The following VPS13B variants were observed in gnomAD, a reference collection of about 807,000 sequenced individuals.
VPS13B encodes the protein vacuolar protein sorting 13 homolog B.
In VPS13B, 285 loss-of-function variants were observed where a neutral mutation model predicts 426.4. That is an observed-to-expected ratio of 0.67 (90% confidence interval 0.61 to 0.74). The LOEUF is 0.74. VPS13B is among the 30% of genes least tolerant of loss of function. VPS13B has a pLI of 0.00. For synonymous variants in VPS13B, 1,676 were observed against 1,676.4 expected, an observed-to-expected ratio of 1.00 and a Z score of 0.01; for missense variants, 4,537 against 4,782.6, an observed-to-expected ratio of 0.95 and a Z score of 1.51.
intron 3 of VPS13B, among the ~76,000 whole-genome samples, chr8:99,073,700 T>C (rs1269010366): frequency 2.4e-4 from 2 of 8,434 alleles, no homozygotes; most frequent in East Asian, 2.6e-3. Context: ...TTTTCTTTCC[T>C]TTTTTTTTTT....
At chr8:99,362,616 T>C (rs1377137318) in intron 19 of VPS13B, among the ~76,000 whole-genome samples, 1 of 152,146 alleles carries the variant, frequency 6.6e-6, no homozygotes, top group East Asian at 1.9e-4. Flanking sequence ...AGAGGAACAT[T>C]TAAAATAAAG....
Position 99,839,700 on chromosome 8 carries a change from T to C in VPS13B, c.9942+3962T>C, listed in dbSNP as rs186195193. 4.1e-3 allele frequency among the ~76,000 whole-genome samples: 621 copies of C among 152,334 alleles called. 4 individuals carry two copies. The highest frequency in any genetic ancestry group is 5.2e-3 in the Non-Finnish European group (351 of 68,022). ...GCCTTGGCTACAAATAGTAGCTGCC[T>C]GAAAGTTCATCAAAGCACAGGTTAG... On this transcript the variant is annotated intron_variant, in intron 54 of 61. Coordinates refer to ENST00000357162, the MANE Select transcript of VPS13B (RefSeq NM_152564.5).
At chr8:99,406,206 T>C (rs1423997401) in intron 21 of VPS13B, among the ~76,000 whole-genome samples, 8 of 152,026 alleles carry the variant, frequency 5.3e-5, no homozygotes, top group African/African-American at 9.7e-5. Context: ...AGAACACTTA[T>C]CATGTATCCT....
intron 25 of VPS13B, among the ~76,000 whole-genome samples, chr8:99,497,016 G>T (rs1820922533): frequency 6.7e-6 from 1 of 148,416 alleles, no homozygotes; most frequent in South Asian, 2.1e-4. Flanking sequence ...TTTCAAAGCT[G>T]TAGAATAATC....
At chr8:99,859,538 T>C (rs1189314757) in intron 57 of VPS13B, 58 bp downstream of exon 57, 46 of 1,448,688 alleles carry the variant, frequency 3.2e-5, no homozygotes, top group Non-Finnish European at 2.0e-5. Flanking sequence ...TTTTTTTTTT[T>C]AAAGAATGTG....
chr8:99,843,531 T>A (rs1331744524), intron 54 of VPS13B, among the ~76,000 whole-genome samples: 2 of 152,220 alleles, frequency 1.3e-5, no homozygotes, highest in Non-Finnish European at 2.9e-5. Context: ...TGGAATTACC[T>A]GCTCCCCCTT....
chr8:99,699,236 A>G (rs768335930), intron 35 of VPS13B, among the ~76,000 whole-genome samples: 36 of 151,508 alleles, frequency 2.4e-4, no homozygotes, highest in South Asian at 8.4e-4. Flanking sequence ...CAGAGTGGAA[A>G]TTGACAGCCT....
intron 33 of VPS13B, among the ~76,000 whole-genome samples, chr8:99,630,014 C>T (rs1436400677): frequency 6.6e-6 from 1 of 152,128 alleles, no homozygotes; most frequent in Non-Finnish European, 1.5e-5. Context: ...GAAACATTAA[C>T]GTGCATAAGA....
chr8:99,355,521 G>A (rs1222842063), intron 19 of VPS13B, among the ~76,000 whole-genome samples: 2 of 152,180 alleles, frequency 1.3e-5, no homozygotes, highest in Non-Finnish European at 2.9e-5. Flanking sequence ...AACCTGGGAG[G>A]CGGAGGTTGC....
intron 15 of VPS13B, among the ~76,000 whole-genome samples, chr8:99,159,400 G>T (rs1379819389): frequency 6.6e-6 from 1 of 152,170 alleles, no homozygotes; most frequent in Non-Finnish European, 1.5e-5. Context: ...CTCCAATTTT[G>T]ATAGAAGTTT....
chr8:99,241,760 T>C (rs933652466), intron 17 of VPS13B, among the ~76,000 whole-genome samples: 1 of 152,204 alleles, frequency 6.6e-6, no homozygotes, highest in African/African-American at 2.4e-5. Flanking sequence ...GAAATATATT[T>C]TATTGACTAT....
intron 43 of VPS13B, among the ~76,000 whole-genome samples, chr8:99,807,130 G>T (rs1477601984): frequency 2.0e-5 from 3 of 152,164 alleles, no homozygotes; most frequent in Non-Finnish European, 4.4e-5. Flanking sequence ...TAATTTTCCT[G>T]TGTGAACTAA....
At chr8:99,014,884 C>T (rs1025564196) in intron 2 of VPS13B, among the ~76,000 whole-genome samples, 6 of 152,024 alleles carry the variant, frequency 3.9e-5, no homozygotes, top group Non-Finnish European at 8.8e-5. Context: ...ATCACATATT[C>T]ATTAATTCAT....
At chr8:99,473,294 G>A (rs1819508835) in intron 24 of VPS13B, among the ~76,000 whole-genome samples, 1 of 151,632 alleles carries the variant, frequency 6.6e-6, no homozygotes, top group African/African-American at 2.4e-5. Flanking sequence ...TATCTAAAAG[G>A]CATAATATAT....
chr8:99,575,698 G>A lies in VPS13B; in HGVS notation c.4990G>A (p.Val1664Ile), dbSNP rs770669224. The change falls in exon 32 of 62, where the codon GTT becomes ATT. Residue 1664 changes from valine to isoleucine, a missense_variant. Physicochemically the swap from Val to Ile is conservative, Grantham distance 29. Around this residue, in one of 2 missense-constraint regions of VPS13B, gnomAD observed 4,311 missense variants for 4,474.3 expected, o/e 0.96. Coordinates refer to ENST00000357162, the MANE Select transcript of VPS13B (RefSeq NM_152564.5). ...AGAAAGGAGAGCAATTTTGACCCCC[G>A]TTTTGACAGATTTTTCTGTCCGAAT... is the stretch of plus-strand genomic sequence containing the variant. Reference protein sequence around the residue: ...HQERRAILTPVLTDFSVRITG... With the variant: ...HQERRAILTPILTDFSVRITG... 8.7e-6 allele frequency: 14 copies of A among 1,613,774 alleles called. No homozygotes were observed. The highest frequency in any genetic ancestry group is 1.7e-4 in the Middle Eastern group (1 of 6,058).
chr8:99,169,752 T>A (rs1184857641), intron 15 of VPS13B, among the ~76,000 whole-genome samples: 1 of 152,026 alleles, frequency 6.6e-6, no homozygotes, highest in African/African-American at 2.4e-5. Flanking sequence ...AATAAAACAC[T>A]ACCTGAGGAG....
At position 99,074,109 on chromosome 8, in the gene VPS13B, C is replaced by T. The variant is rs546079289; in HGVS notation, c.292-22203C>T. Among the ~76,000 whole-genome samples the T allele has an allele frequency of 7.2e-5, 11 of 152,176 alleles. No homozygotes were observed. The East Asian group carries it at 2.1e-3, about 29-fold the overall frequency. ...ATAGCTCTGGCTGGGACCTTCTGTA[C>T]TGTGTTGAGTAAGAATGGTGAAAAT... is the stretch of plus-strand genomic sequence containing the variant. On this transcript the variant is annotated intron_variant, in intron 3 of 61. Transcript: ENST00000357162.
Position 99,819,980 on chromosome 8 carries a change from C to CAT in VPS13B, c.8855_8856dup (p.Val2953MetfsTer6). On this transcript the variant is annotated frameshift_variant, in exon 49 of 62. Transcript: ENST00000357162. LOFTEE classifies it high-confidence loss of function. ...CGAGTGAAGCTGTCAATCTGGAAGC[C>CAT]ATATGTTAGAACTTTGTTGATAGAA... is the stretch of plus-strand genomic sequence containing the variant. 1 of 1,614,006 alleles carries CAT rather than the reference C, an allele frequency of 6.2e-7. No individual in the cohort carries two copies. Among genetic ancestry groups the CAT allele is most frequent in the Admixed American group, 1.7e-5 (1 of 60,010 alleles).
chr8:99,876,026 C>G lies in VPS13B; in HGVS notation c.*360C>G, dbSNP rs1272410411. 7.3e-6 allele frequency: 2 copies of G among 274,812 alleles called. No homozygotes were observed. The highest frequency in any genetic ancestry group is 1.8e-4 in the East Asian group (2 of 11,284). The allele number at this position is 274,812 out of a possible 1,614,324, so 17.0% of individuals were successfully genotyped here. A position where few individuals can be genotyped will look rare whatever the true frequency, so the allele number is the denominator to read the frequency against. On this transcript the variant is annotated 3_prime_UTR_variant, in exon 62 of 62. Transcript: ENST00000357162. Reference sequence around the variant, plus strand: ...AACAGGGCCCTATATGTTCTTACCACATACAGAGGATGCATTTATTTTTGC... The same window carrying G: ...AACAGGGCCCTATATGTTCTTACCAGATACAGAGGATGCATTTATTTTTGC...
Sources: allele counts gnomAD v4.1 joint callset (sites outside exome capture counted in the v4.1 genomes callset), GRCh38; gene constraint gnomAD v4.1.1; regional missense constraint gnomAD v4.1.1; transcripts MANE v1.5; gene names NCBI Gene and HGNC (gene_info 2026-07-23, HGNC 2026-07-21).